The following PCNX2 variants were observed in gnomAD, a reference collection of about 807,000 sequenced individuals.
PCNX2 encodes pecanex-like protein 2.
PCNX2 carries 168 observed loss-of-function variants against 223.8 expected under a neutral mutation model. That is an observed-to-expected ratio of 0.75 (90% CI 0.66 to 0.85). The LOEUF (loss-of-function observed/expected upper bound fraction) is 0.85, where lower values mean the gene tolerates loss of function less well. Ranked by LOEUF, PCNX2 falls within the 40% of genes least tolerant of loss-of-function variation. The probability of loss-of-function intolerance (pLI) is 0.00; values close to 1 mark genes in which losing one functional copy is unlikely to be tolerated. For synonymous variants in PCNX2, 1,006 were observed against 1,052.6 expected (o/e 0.96, Z 0.86); for missense variants, 2,507 against 2,675.5 (o/e 0.94, Z 1.39).
In PCNX2 at chr1:232,998,321, G is replaced by A; in HGVS notation, c.5721C>T (p.Ser1907=). ...NNAPSGGSQE[S]SAEQPRKGGA... ...CGCCTTTTCTGGGCTGTTCTGCGCTGCTCTCCTGGCTGCCACCACTCGGGG... is the reference window on the plus strand; with the variant it reads ...CGCCTTTTCTGGGCTGTTCTGCGCTACTCTCCTGGCTGCCACCACTCGGGG... Residue 1907 remains serine, a synonymous_variant, in exon 32 of 34, where the codon AGC becomes AGT. Transcript: ENST00000258229. 1 of 1,612,870 alleles carries A rather than the reference G, an allele frequency of 6.2e-7. No individual in the cohort carries two copies. Among genetic ancestry groups the A allele is most frequent in the Non-Finnish European group, 8.5e-7 (1 of 1,179,502 alleles).
chr1:233,318,567 T>C, the PCNX2 span, among the ~76,000 whole-genome samples: 1,644 of 139,776 alleles, frequency 0.012, 18 homozygotes, highest in Non-Finnish European at 0.017. Context: ...CTTTTTCTTT[T>C]TTTTTTTTTT....
rs4027365 is a variant in PCNX2 at position 233,001,479 on chromosome 1, C to CATAAATAA, written c.5097+50_5097+57dup. ...GGGCAACAAGAGCGAAACTCCATCT[C>CATAAATAA]ATAAATAAATAAATAAATAAATAAA... On this transcript the variant is annotated intron_variant, in intron 29 of 33. Transcript: ENST00000258229. The surrounding 1 kb of genome is among the most constrained non-coding windows in gnomAD (Gnocchi z 4.2). 1,170 of 682,244 alleles carry CATAAATAA rather than the reference C, an allele frequency of 1.7e-3. 6 individuals are homozygous for CATAAATAA. Among genetic ancestry groups the CATAAATAA allele is most frequent in the East Asian group, 3.9e-3 (53 of 13,686 alleles). 42.3% of individuals were successfully genotyped at this position (682,244 alleles called of 1,614,324 possible). A position where few individuals can be genotyped will look rare whatever the true frequency, so the allele number is the denominator to read the frequency against.
intron 21 of PCNX2, among the ~76,000 whole-genome samples, chr1:233,116,458 T>C (rs544882538): frequency 6.6e-6 from 1 of 152,076 alleles, no homozygotes; most frequent in Non-Finnish European, 1.5e-5. Context: ...TACAGTGTAC[T>C]CTGACCATAA....
chr1:233,150,427 A>C (rs992175060), intron 19 of PCNX2, among the ~76,000 whole-genome samples: 1 of 152,212 alleles, frequency 6.6e-6, no homozygotes, highest in African/African-American at 2.4e-5. Flanking sequence ...CATCATGGTA[A>C]ATTTCTCAAA....
the PCNX2 span, among the ~76,000 whole-genome samples, chr1:233,311,556 G>A: frequency 6.6e-6 from 1 of 152,160 alleles, no homozygotes; most frequent in Admixed American, 6.5e-5. Flanking sequence ...TGGAAAAACT[G>A]AGTAATACAC....
chr1:233,162,777 G>A (rs1388929554), intron 17 of PCNX2, among the ~76,000 whole-genome samples: 1 of 152,074 alleles, frequency 6.6e-6, no homozygotes, highest in Non-Finnish European at 1.5e-5. Flanking sequence ...ATGGTTTTAT[G>A]TCATTTAAAA....
chr1:233,230,243 T>C (rs922452210), intron 9 of PCNX2, among the ~76,000 whole-genome samples: 2 of 152,144 alleles, frequency 1.3e-5, no homozygotes, highest in Admixed American at 6.6e-5. Flanking sequence ...CGAGAGAGTG[T>C]AGGACTGACA....
intron 21 of PCNX2, among the ~76,000 whole-genome samples, chr1:233,102,032 G>A (rs1674507998): frequency 6.6e-6 from 1 of 151,100 alleles, no homozygotes. Flanking sequence ...AACATAAAAA[G>A]TAGTGGAGGA....
chr1:233,245,882 C>T (rs1400686391), intron 8 of PCNX2, among the ~76,000 whole-genome samples: 6 of 152,174 alleles, frequency 3.9e-5, no homozygotes, highest in Non-Finnish European at 2.9e-5. Flanking sequence ...CGCCACTGCA[C>T]TCCAGACTGG....
At chr1:233,146,469 A>C (rs1460526550) in intron 19 of PCNX2, among the ~76,000 whole-genome samples, 3 of 152,250 alleles carry the variant, frequency 2.0e-5, no homozygotes, top group Middle Eastern at 3.2e-3. Flanking sequence ...CATAAAGTAC[A>C]ATCAGTTACA....
chr1:233,118,610 T>A (rs1458837781), intron 21 of PCNX2, among the ~76,000 whole-genome samples: 1 of 151,890 alleles, frequency 6.6e-6, no homozygotes, highest in Non-Finnish European at 1.5e-5. Flanking sequence ...AACATACAAT[T>A]CAATTCATAG....
intron 23 of PCNX2, among the ~76,000 whole-genome samples, chr1:233,069,908 A>C (rs1285783370): frequency 6.6e-6 from 1 of 152,152 alleles, no homozygotes; most frequent in Non-Finnish European, 1.5e-5. Flanking sequence ...TGAAAAATAA[A>C]TGAGAAAATC....
chr1:233,190,378 A>G (rs1162923196), intron 15 of PCNX2, among the ~76,000 whole-genome samples: 2 of 152,172 alleles, frequency 1.3e-5, no homozygotes, highest in African/African-American at 4.8e-5. Flanking sequence ...TGCTAACCAC[A>G]TTCATTCAAT....
chr1:233,086,647 G>A (rs1673618759), intron 23 of PCNX2, among the ~76,000 whole-genome samples: 1 of 151,734 alleles, frequency 6.6e-6, no homozygotes. Flanking sequence ...CTCCAGCCTG[G>A]GCAATAGAGC....
chr1:233,168,600 A>G (rs1007084197), intron 17 of PCNX2, among the ~76,000 whole-genome samples: 2 of 152,100 alleles, frequency 1.3e-5, no homozygotes, highest in African/African-American at 4.8e-5. Context: ...CATAGTGCAA[A>G]CATCCCTTGA....
intron 21 of PCNX2, among the ~76,000 whole-genome samples, chr1:233,103,181 T>C (rs576529410): frequency 2.0e-5 from 3 of 152,252 alleles, no homozygotes; most frequent in East Asian, 3.9e-4. Context: ...ATTTATGGGA[T>C]ACATGAGATA....
chr1:233,295,522 C>G lies in PCNX2; in HGVS notation c.-44G>C. ...CTGGTGAGCGCCCCGCTGCACCCTG[C>G]GCGCCCCGGCCGGATCTCCAGGCTC... On this transcript the variant is annotated 5_prime_UTR_variant, in exon 1 of 34. Coordinates refer to ENST00000258229, the MANE Select transcript of PCNX2 (RefSeq NM_014801.4). This position sits in a 1 kb window ranked among gnomAD's most constrained non-coding sequence, Gnocchi z 4.1. 6.8e-7 allele frequency: 1 copy of G among 1,476,244 alleles called. No individual in the cohort carries two copies. Among genetic ancestry groups the G allele is most frequent in the Non-Finnish European group, 9.0e-7 (1 of 1,113,246 alleles). 91.4% of individuals were successfully genotyped at this position (1,476,244 alleles called of 1,614,324 possible). A position where few individuals can be genotyped will look rare whatever the true frequency, so the allele number is the denominator to read the frequency against.
At chr1:233,044,281 T>G (rs982093168) in intron 25 of PCNX2, among the ~76,000 whole-genome samples, 7 of 152,236 alleles carry the variant, frequency 4.6e-5, no homozygotes, top group Non-Finnish European at 8.8e-5. Context: ...TAAATTTGTT[T>G]GAGTTCATTG....
At chr1:233,252,248 C>T in intron 7 of PCNX2, 106 bp downstream of exon 7, 1 of 1,310,134 alleles carries the variant, frequency 7.6e-7, no homozygotes, top group Non-Finnish European at 1.0e-6. Flanking sequence ...AGGGTTAAGT[C>T]TTCCAGTTCT....
Sources: gnomAD v4.1 joint callset for allele counts (sites outside exome capture counted in the v4.1 genomes callset) on GRCh38, gnomAD v4.1.1 for gene constraint, Gnocchi (gnomAD v3.1) non-coding constraint, MANE v1.5 for transcripts, NCBI Gene and HGNC (gene_info 2026-07-23, HGNC 2026-07-21) for gene names.